DMD: variants seen among roughly 807,000 people sequenced by gnomAD.
DMD encodes the protein mutant dystrophin.
DMD carries 63 observed loss-of-function variants against 330.1 expected under a neutral mutation model. That is an observed-to-expected ratio of 0.19 (90% CI 0.16 to 0.24). DMD has a LOEUF of 0.24. Among genes scored for constraint, DMD ranks in the 10% least tolerant of loss-of-function variants. The probability of loss-of-function intolerance (pLI) is 1.00; values close to 1 mark genes in which losing one functional copy is unlikely to be tolerated. For synonymous variants in DMD, 1,223 were observed against 959.8 expected (o/e 1.27, Z -5.07); for missense variants, 3,344 against 2,684.1 (o/e 1.25, Z -5.43).
intron 47 of DMD, among the ~76,000 whole-genome samples, chrX:31,921,001 A>G (rs1003110290): frequency 8.9e-6 from 1 of 111,946 alleles, no homozygotes; most frequent in Non-Finnish European, 1.9e-5. Flanking sequence ...ATTATCTTGT[A>G]TTTGGTGAGG....
Position 32,604,601 on chromosome X carries a change from A to G in DMD, c.1483-8725T>C, listed in dbSNP as rs1259702703. Among the ~76,000 whole-genome samples, 3 of 110,652 alleles carry G rather than the reference A, an allele frequency of 2.7e-5. No individual in the cohort carries two copies. In the East Asian group the frequency reaches 8.5e-4, roughly 32 times the overall value. On this transcript the variant is annotated intron_variant, in intron 12 of 78. Transcript: ENST00000357033. ...ATAAAAGGCATCCAAATTGGGAAAA[A>G]GAAAGTCAAATGATTTCTCTTCACT...
At position 32,558,945 on chromosome X, in the gene DMD, T is replaced by TTTTTTTTTTTTTTCC. The variant is rs1569199639; in HGVS notation, c.1992+6756_1992+6757insGGAAAAAAAAAAAAA. On this transcript the variant is annotated intron_variant, in intron 16 of 78. Coordinates refer to ENST00000357033, the MANE Select transcript of DMD (RefSeq NM_004006.3). Reference sequence around the variant, plus strand: ...GATGTAACTTCAAATTTTCTTTTTTTTTTTTTTTTTTTTTTTTTTTTTTGA... The same window carrying TTTTTTTTTTTTTTCC: ...GATGTAACTTCAAATTTTCTTTTTTTTTTTTTTTTTTTTCCTTTTTTTTTTTTTTTTTTTTTTTGA... Among the ~76,000 whole-genome samples the TTTTTTTTTTTTTTCC allele has an allele frequency of 3.9e-3, 158 of 40,128 alleles. 5 individuals are homozygous for TTTTTTTTTTTTTTCC. The highest frequency in any genetic ancestry group is 0.011 in the African/African-American group (149 of 13,299). 34.8% of individuals were successfully genotyped at this position (40,128 alleles called of 115,157 possible). A position where few individuals can be genotyped will look rare whatever the true frequency, so the allele number is the denominator to read the frequency against.
intron 58 of DMD, 75 bp downstream of exon 58, chrX:31,478,908 A>AGCAAGAATGGATGGGCTGCTCCGTCACC: frequency 9.0e-7 from 1 of 1,109,340 alleles, no homozygotes; most frequent in East Asian, 3.0e-5. Flanking sequence ...AGACCCTGGC[A>AGCAAGAATGGATGGGCTGCTCCGTCACC]GCAAGAATGG....
At position 32,171,920 on chromosome X, in the gene DMD, T is replaced by C. The variant is rs768573161; in HGVS notation, c.6438+44996A>G. 9.9e-5 allele frequency among the ~76,000 whole-genome samples: 11 copies of C among 111,543 alleles called. No homozygotes were observed. In the East Asian group the frequency reaches 2.8e-3, roughly 29 times the overall value. On this transcript the variant is annotated intron_variant, in intron 44 of 78. Coordinates refer to ENST00000357033, the MANE Select transcript of DMD (RefSeq NM_004006.3). ...CTCTACCAAAATTAAAAGTAGATCA[T>C]TAAAGAAAAAAATCAAATTCCTCTT...
rs398124048 is a variant in DMD at position 31,729,767 on chromosome X, C to G, written c.7543-19G>C. ...TTGTTGCCTGTAAGAACAAATATCCCTTAGTATCAGGGTTCTTCAGCGTTG... is the reference window on the plus strand; with the variant it reads ...TTGTTGCCTGTAAGAACAAATATCCGTTAGTATCAGGGTTCTTCAGCGTTG... On this transcript the variant is annotated intron_variant, in intron 51 of 78. Coordinates refer to ENST00000357033, the MANE Select transcript of DMD (RefSeq NM_004006.3). 1.7e-6 allele frequency: 2 copies of G among 1,150,356 alleles called. No individual in the cohort carries two copies. Among genetic ancestry groups the G allele is most frequent in the Non-Finnish European group, 2.4e-6 (2 of 839,486 alleles). The allele number at this position is 1,150,356 out of a possible 1,213,427, so 94.8% of individuals were successfully genotyped here.
chrX:31,442,657 C>G (rs972235673), intron 60 of DMD, among the ~76,000 whole-genome samples: 1 of 111,511 alleles, frequency 9.0e-6, no homozygotes, highest in African/African-American at 3.3e-5. Context: ...TGGCATTCTG[C>G]TCTCTAAAAG....
chrX:32,420,916 T>C (rs757970786), intron 29 of DMD, among the ~76,000 whole-genome samples: 3 of 111,595 alleles, frequency 2.7e-5, no homozygotes, highest in Non-Finnish European at 5.6e-5. Flanking sequence ...TCTACTGTGA[T>C]GTAGGCTCAT....
chrX:32,631,811 C>T (rs963947267), intron 11 of DMD, among the ~76,000 whole-genome samples: 9 of 111,345 alleles, frequency 8.1e-5, no homozygotes, highest in Non-Finnish European at 1.5e-4. Flanking sequence ...ATGATTCATT[C>T]GGCTCCCACC....
intron 1 of DMD, among the ~76,000 whole-genome samples, chrX:33,149,521 C>G (rs1254997116): frequency 8.9e-6 from 1 of 112,103 alleles, no homozygotes; most frequent in Non-Finnish European, 1.9e-5. Context: ...GGGACCCCTG[C>G]AGTGAAAGAG....
chrX:31,443,660 C>T (rs755712069), intron 60 of DMD, among the ~76,000 whole-genome samples: 2 of 109,891 alleles, frequency 1.8e-5, no homozygotes, highest in Non-Finnish European at 3.8e-5. Flanking sequence ...GTATTTATTA[C>T]GCAAACCTAC....
intron 47 of DMD, among the ~76,000 whole-genome samples, chrX:31,888,899 G>A (rs921761817): frequency 3.6e-5 from 4 of 112,190 alleles, no homozygotes; most frequent in African/African-American, 1.3e-4. Flanking sequence ...TTAAAAGTAA[G>A]TGGATTTCCT....
At chrX:31,177,256 C>G (rs893831443) in intron 71 of DMD, among the ~76,000 whole-genome samples, 1 of 111,156 alleles carries the variant, frequency 9.0e-6, no homozygotes, top group African/African-American at 3.3e-5. Context: ...TAATACACAC[C>G]AATAGTAATA....
At chrX:31,141,578 C>T (rs1055221568) in intron 76 of DMD, among the ~76,000 whole-genome samples, 2 of 111,239 alleles carry the variant, frequency 1.8e-5, no homozygotes, top group East Asian at 5.6e-4. Context: ...TGCTCTTTTT[C>T]ATAAGTAGCA....
intron 18 of DMD, among the ~76,000 whole-genome samples, chrX:32,511,720 C>G (rs1341142392): frequency 8.2e-5 from 9 of 109,960 alleles, no homozygotes. Flanking sequence ...TCCAGCTTTT[C>G]TGTATGTGTG....
At chrX:32,319,913 T>C (rs760520196) in intron 41 of DMD, among the ~76,000 whole-genome samples, 51 of 110,855 alleles carry the variant, frequency 4.6e-4, no homozygotes, top group African/African-American at 1.6e-3. Context: ...ATCTAGTATA[T>C]ATTTTTTATT....
At chrX:32,489,566 T>G (rs972837625) in intron 20 of DMD, among the ~76,000 whole-genome samples, 7 of 111,433 alleles carry the variant, frequency 6.3e-5, no homozygotes, top group African/African-American at 9.8e-5. Context: ...ATCCTGGACT[T>G]TCTCTCACTT....
chrX:32,015,387 C>T (rs12011231), intron 44 of DMD, among the ~76,000 whole-genome samples: 8,620 of 110,693 alleles, frequency 0.078, 363 homozygotes, highest in East Asian at 0.17. Context: ...AGCATGATGG[C>T]CTGTGAGTAG....
At chrX:31,126,819 AAAAAAC>A (rs1374077442) in intron 77 of DMD, 146 bp from the exon 78 acceptor site, 1 of 488,818 alleles carries the variant, frequency 2.0e-6, no homozygotes, top group Non-Finnish European at 3.5e-6. Context: ...AAAAAAAAAA[AAAAAAC>A]AGAAACAAAA....
intron 44 of DMD, among the ~76,000 whole-genome samples, chrX:32,189,100 A>T (rs988937358): frequency 9.0e-6 from 1 of 110,857 alleles, no homozygotes; most frequent in Non-Finnish European, 1.9e-5. Flanking sequence ...AAGTATTTTT[A>T]AAATTATTTC....
Sources: allele counts gnomAD v4.1 joint callset (sites outside exome capture counted in the v4.1 genomes callset), GRCh38; gene constraint gnomAD v4.1.1; transcripts MANE v1.5; gene names NCBI Gene and HGNC (gene_info 2026-07-23, HGNC 2026-07-21).